PPP1R11: variants seen among roughly 807,000 people sequenced by gnomAD.
PPP1R11 encodes the protein protein phosphatase 1 regulatory inhibitor subunit 11, also known as E3 ubiquitin-protein ligase PPP1R11.
A neutral mutation model predicts 11.3 loss-of-function variants in PPP1R11; 10 were observed. The ratio of observed to expected loss-of-function variants is 0.88; its 90% CI spans 0.55 to 1.50. The LOEUF is 1.50. PPP1R11 is among the 40% of genes most tolerant of loss of function. PPP1R11 has a pLI of 0.00. For synonymous variants in PPP1R11, 56 were observed against 62.3 expected, an observed-to-expected ratio of 0.90 and a Z score of 0.48; for missense variants, 114 against 179.1, an observed-to-expected ratio of 0.64 and a Z score of 2.07.
chr6:30,061,320 A>G, the PPP1R11 span: 1 of 518,674 alleles, frequency 1.9e-6, no homozygotes, highest in Admixed American at 3.5e-5. The surrounding 1 kb of genome is among the most constrained non-coding windows in gnomAD (Gnocchi z 5.0). Flanking sequence ...GCCCCTGGAA[A>G]GGGTTCCAAG....
Position 30,069,376 on chromosome 6 carries a change from C to G in PPP1R11, c.*70C>G, listed in dbSNP as rs185477475. The G allele has an allele frequency of 6.8e-5, 81 of 1,183,158 alleles. 2 individuals carry two copies. The Admixed American group carries it at 1.6e-3, about 23-fold the overall frequency. 73.3% of individuals were successfully genotyped at this position (1,183,158 alleles called of 1,614,324 possible). A position where few individuals can be genotyped will look rare whatever the true frequency, so the allele number is the denominator to read the frequency against. ...GTATCCATGTGGCTACTTCTCCAGC[C>G]CCCTCCTTCCCTCTCTTCTGCCTGA... On this transcript the variant is annotated 3_prime_UTR_variant, in exon 3 of 3. Coordinates refer to ENST00000376772, the MANE Select transcript of PPP1R11 (RefSeq NM_021959.3). The surrounding 1 kb of genome is among the most constrained non-coding windows in gnomAD (Gnocchi z 6.6).
Position 30,069,218 on chromosome 6 carries a change from G to A in PPP1R11, c.293G>A (p.Arg98Gln), listed in dbSNP as rs1398067515. ...TGTGTACGTGGCCACCGCAAAGGAC[G>A]GCGTCGTGCAACCCTAGGACCGACC... Reference protein sequence around the residue: ...THCVRGHRKGRRRATLGPTPT... With the variant: ...THCVRGHRKGQRRATLGPTPT... Residue 98 changes from arginine to glutamine, a missense_variant, in exon 3 of 3, where the codon CGG becomes CAG. Arg to Gln is a conservative substitution (Grantham distance 43). Coordinates refer to ENST00000376772, the MANE Select transcript of PPP1R11 (RefSeq NM_021959.3). This position sits in a 1 kb window ranked among gnomAD's most constrained non-coding sequence, Gnocchi z 6.6. The A allele has an allele frequency of 5.0e-6, 8 of 1,612,842 alleles. No individual in the cohort carries two copies. Among genetic ancestry groups the A allele is most frequent in the East Asian group, 4.5e-5 (2 of 44,896 alleles).
chr6:30,064,669 A>G (rs368173908), upstream of PPP1R11: 375 of 1,607,424 alleles, frequency 2.3e-4, 1 homozygote, highest in Non-Finnish European at 3.1e-4. Flanking sequence ...TTCTTTCCTC[A>G]TAGGTTCCAG....
At chr6:30,065,793 C>G (rs1255788424), upstream of PPP1R11, among the ~76,000 whole-genome samples, 1 of 151,832 alleles carries the variant, frequency 6.6e-6, no homozygotes, top group African/African-American at 2.4e-5. The surrounding 1 kb of genome is among the most constrained non-coding windows in gnomAD (Gnocchi z 5.3). Context: ...GTATGTGGCT[C>G]TGTATATGTG....
chr6:30,066,738 C>T (rs1288344693), upstream of PPP1R11: 2 of 152,436 alleles, frequency 1.3e-5, no homozygotes, highest in Non-Finnish European at 2.9e-5. Context: ...GGTAGAACCA[C>T]ATCGCTTGAC....
chr6:30,064,635 C>A, upstream of PPP1R11: 1 of 1,592,156 alleles, frequency 6.3e-7, no homozygotes, highest in South Asian at 1.1e-5. Flanking sequence ...AGAAACTCAT[C>A]TTTTGGTGAA....
At chr6:30,063,700 G>T (rs1582362478), upstream of PPP1R11, among the ~76,000 whole-genome samples, 1 of 152,192 alleles carries the variant, frequency 6.6e-6, no homozygotes, top group South Asian at 2.1e-4. The surrounding 1 kb of genome is among the most constrained non-coding windows in gnomAD (Gnocchi z 4.1). Context: ...AACTTGAACT[G>T]TAGGAATTCT....
At chr6:30,061,703 G>A in the PPP1R11 span, 2 of 1,611,218 alleles carry the variant, frequency 1.2e-6, no homozygotes, top group African/African-American at 1.3e-5. This position sits in a 1 kb window ranked among gnomAD's most constrained non-coding sequence, Gnocchi z 5.0. Context: ...CCTGGCGGAG[G>A]GCGCAGGGTC....
upstream of PPP1R11, among the ~76,000 whole-genome samples, chr6:30,062,966 A>G (rs947832512): frequency 9.2e-5 from 14 of 151,728 alleles, no homozygotes; most frequent in Non-Finnish European, 1.5e-5. Context: ...GCAGTCTTCA[A>G]CCGCAGTCAA....
At chr6:30,061,441 G>A in the PPP1R11 span, 3 of 1,519,138 alleles carry the variant, frequency 2.0e-6, no homozygotes, top group South Asian at 1.2e-5. This position sits in a 1 kb window ranked among gnomAD's most constrained non-coding sequence, Gnocchi z 5.0. Context: ...CTAGGTCCTG[G>A]GACAGAATAG....
upstream of PPP1R11, chr6:30,062,236 T>C: frequency 6.2e-7 from 1 of 1,612,968 alleles, no homozygotes; most frequent in Admixed American, 1.7e-5. Context: ...TGACAGGCGC[T>C]GCCCTCGATG....
upstream of PPP1R11, chr6:30,061,746 G>C: frequency 1.3e-6 from 2 of 1,597,976 alleles, no homozygotes; most frequent in Non-Finnish European, 1.7e-6. This position sits in a 1 kb window ranked among gnomAD's most constrained non-coding sequence, Gnocchi z 5.0. Flanking sequence ...CGGTTGGGTT[G>C]AGGAGGGGAT....
chr6:30,063,833 G>A (rs1407799485), upstream of PPP1R11, among the ~76,000 whole-genome samples: 1 of 152,214 alleles, frequency 6.6e-6, no homozygotes, highest in African/African-American at 2.4e-5. This position sits in a 1 kb window ranked among gnomAD's most constrained non-coding sequence, Gnocchi z 4.1. Context: ...GGAGCAGACA[G>A]ATAGTATGAA....
At chr6:30,068,807 C>G in intron 2 of PPP1R11, 109 bp downstream of exon 2, 1 of 1,027,620 alleles carries the variant, frequency 9.7e-7, no homozygotes. Context: ...GTTCATAGTT[C>G]TGTCACTTTT....
chr6:30,064,768 C>T (rs978892248), upstream of PPP1R11: 15 of 1,361,318 alleles, frequency 1.1e-5, no homozygotes, highest in African/African-American at 1.8e-4. Context: ...TTTTAGATGC[C>T]TTGTCCATCC....
upstream of PPP1R11, among the ~76,000 whole-genome samples, chr6:30,063,907 CTCTT>C (rs1258158740): frequency 6.6e-6 from 1 of 152,196 alleles, no homozygotes; most frequent in Non-Finnish European, 1.5e-5. The surrounding 1 kb of genome is among the most constrained non-coding windows in gnomAD (Gnocchi z 4.1). Context: ...AGAGTTTTCT[CTCTT>C]TCTACCTACT....
rs9261289 is a variant in PPP1R11, at chr6:30,069,839, C to A, written c.*533C>A. 4,653 of 154,008 alleles carry A rather than the reference C, an allele frequency of 0.03. 83 individuals are homozygous for A. Among genetic ancestry groups the A allele is most frequent in the Non-Finnish European group, 0.04 (2,762 of 69,114 alleles). The allele number at this position is 154,008 out of a possible 1,614,324, so 9.5% of individuals were successfully genotyped here. A position where few individuals can be genotyped will look rare whatever the true frequency, so the allele number is the denominator to read the frequency against. ...CTCCCAGCCCTTCTCCTCCTGCTAA[C>A]CCTTCTCACACCCTCAAGAGGAGTT... On this transcript the variant is annotated 3_prime_UTR_variant, in exon 3 of 3. Transcript: ENST00000376772. The surrounding 1 kb of genome is among the most constrained non-coding windows in gnomAD (Gnocchi z 6.6).
the PPP1R11 span, chr6:30,061,657 A>G: frequency 3.7e-6 from 6 of 1,612,782 alleles, no homozygotes; most frequent in Non-Finnish European, 5.1e-6. The surrounding 1 kb of genome is among the most constrained non-coding windows in gnomAD (Gnocchi z 5.0). Context: ...TGGCTTCAAC[A>G]TCAACGTTCG....
chr6:30,063,063 G>A (rs1659980938), upstream of PPP1R11, among the ~76,000 whole-genome samples: 1 of 151,886 alleles, frequency 6.6e-6, no homozygotes, highest in Non-Finnish European at 1.5e-5. The surrounding 1 kb of genome is among the most constrained non-coding windows in gnomAD (Gnocchi z 4.1). Context: ...TTTTGTCTTT[G>A]GTGTTCTGCA....
Sources: allele counts gnomAD v4.1 joint callset (sites outside exome capture counted in the v4.1 genomes callset), GRCh38; gene constraint gnomAD v4.1.1; non-coding constraint Gnocchi (gnomAD v3.1); transcripts MANE v1.5; gene names NCBI Gene and HGNC (gene_info 2026-07-23, HGNC 2026-07-21).